The following KCNH1 variants were observed in gnomAD, a reference collection of about 807,000 sequenced individuals.
The protein encoded by KCNH1 is voltage-gated delayed rectifier potassium channel KCNH1.
A neutral mutation model predicts 69.2 loss-of-function variants in KCNH1; 27 were observed. The observed-to-expected ratio is 0.39, with a 90% CI of 0.29 to 0.54. The LOEUF is 0.54. KCNH1 is among the 20% of genes least tolerant of loss of function. KCNH1 has a pLI of 0.68. For synonymous variants in KCNH1, 456 were observed against 487.7 expected (o/e 0.93, Z 0.86); for missense variants, 798 against 1,261.6 (o/e 0.63, Z 5.57).
intron 6 of KCNH1, among the ~76,000 whole-genome samples, chr1:210,994,690 T>G (rs951420323): frequency 2.6e-5 from 4 of 152,138 alleles, no homozygotes; most frequent in Non-Finnish European, 5.9e-5. Flanking sequence ...CAGGGGTCAG[T>G]CTAAACTCAA....
chr1:210,728,365 A>T (rs532314172), intron 10 of KCNH1, among the ~76,000 whole-genome samples: 14 of 152,352 alleles, frequency 9.2e-5, no homozygotes, highest in African/African-American at 3.4e-4. Flanking sequence ...GAATAGTGAA[A>T]TGAATAAATA....
chr1:210,866,034 C>T (rs1215011383), intron 7 of KCNH1, among the ~76,000 whole-genome samples: 2 of 152,070 alleles, frequency 1.3e-5, no homozygotes, highest in Admixed American at 1.3e-4. Context: ...ACTTTTTCAA[C>T]AAATAGTGTT....
At chr1:210,870,818 T>C (rs1232496782) in intron 7 of KCNH1, among the ~76,000 whole-genome samples, 1 of 152,122 alleles carries the variant, frequency 6.6e-6, no homozygotes, top group Non-Finnish European at 1.5e-5. Context: ...TTAGCTCCAA[T>C]ACAATTCATA....
At chr1:210,800,657 CCTCTCTCTG>C (rs1259159119) in intron 8 of KCNH1, among the ~76,000 whole-genome samples, 14 of 152,128 alleles carry the variant, frequency 9.2e-5, no homozygotes, top group African/African-American at 3.4e-4. Context: ...GTCTGGAACT[CCTCTCTCTG>C]AGTGCAGTGG....
intron 7 of KCNH1, among the ~76,000 whole-genome samples, chr1:210,818,021 C>T (rs1684854199): frequency 6.6e-6 from 1 of 152,188 alleles, no homozygotes; most frequent in Admixed American, 6.5e-5. Context: ...TCTTAGAAGG[C>T]AAATTCGTCC....
intron 6 of KCNH1, among the ~76,000 whole-genome samples, chr1:210,970,063 A>ATTTTG (rs540752208): frequency 5.9e-5 from 9 of 151,398 alleles, no homozygotes; most frequent in African/African-American, 2.2e-4. Flanking sequence ...CACCAAACTA[A>ATTTTG]TTTTGTTTTG....
At chr1:210,862,553 T>G (rs1233468352) in intron 7 of KCNH1, among the ~76,000 whole-genome samples, 3 of 152,274 alleles carry the variant, frequency 2.0e-5, no homozygotes, top group Non-Finnish European at 4.4e-5. Flanking sequence ...AGGCTGGTCT[T>G]GAACTCCTGG....
At chr1:210,767,348 G>A (rs904816465) in intron 10 of KCNH1, among the ~76,000 whole-genome samples, 19 of 152,186 alleles carry the variant, frequency 1.2e-4, no homozygotes, top group African/African-American at 3.6e-4. Flanking sequence ...AGAAATTAGC[G>A]AGACCCTGCC....
chr1:210,727,168 G>A (rs1311952762), intron 10 of KCNH1, among the ~76,000 whole-genome samples: 2 of 152,206 alleles, frequency 1.3e-5, no homozygotes, highest in East Asian at 3.9e-4. Context: ...GCCACAGACA[G>A]AGATGTGTAT....
intron 6 of KCNH1, among the ~76,000 whole-genome samples, chr1:210,996,789 C>G (rs1304731599): frequency 1.2e-4 from 18 of 152,166 alleles, no homozygotes; most frequent in Admixed American, 1.2e-3. Flanking sequence ...GACAAAACTC[C>G]CAGAGGAACG....
At chr1:210,791,353 A>G (rs1157518252) in intron 9 of KCNH1, among the ~76,000 whole-genome samples, 1 of 152,186 alleles carries the variant, frequency 6.6e-6, no homozygotes, top group African/African-American at 2.4e-5. Context: ...GGCTAGGGCT[A>G]TAGATTCAGA....
At chr1:210,744,622 C>T (rs1176294871) in intron 10 of KCNH1, among the ~76,000 whole-genome samples, 1 of 151,988 alleles carries the variant, frequency 6.6e-6, no homozygotes, top group African/African-American at 2.4e-5. Context: ...CCAGCTTGGG[C>T]AATAGAGTGA....
intron 7 of KCNH1, among the ~76,000 whole-genome samples, chr1:210,885,169 A>G: frequency 6.6e-6 from 1 of 152,242 alleles, no homozygotes; most frequent in East Asian, 1.9e-4. Context: ...AGCAAGATCA[A>G]CGCAGAAGGC....
chr1:211,097,759 A>C (rs1471882298), intron 3 of KCNH1, among the ~76,000 whole-genome samples: 1 of 152,204 alleles, frequency 6.6e-6, no homozygotes, highest in African/African-American at 2.4e-5. Flanking sequence ...CCTTGCTAGC[A>C]CAGCAGAAAT....
chr1:211,083,879 A>G lies in KCNH1; in HGVS notation c.440-981T>C, dbSNP rs922964269. Reference sequence around the variant, plus strand: ...TTTCCAAGATAGACTTATAGAATCCAGAGGACAGTGGAGTTAAACAGAAAA... The same window carrying G: ...TTTCCAAGATAGACTTATAGAATCCGGAGGACAGTGGAGTTAAACAGAAAA... On this transcript the variant is annotated intron_variant, in intron 4 of 10. Coordinates refer to ENST00000271751, the MANE Select transcript of KCNH1 (RefSeq NM_172362.3). Among the ~76,000 whole-genome samples, 31 of 152,366 alleles carry G rather than the reference A, an allele frequency of 2.0e-4. No homozygotes were observed. The East Asian group carries it at 6.0e-3, about 29-fold the overall frequency.
chr1:210,888,200 C>T (rs1052062063), intron 7 of KCNH1, among the ~76,000 whole-genome samples: 6 of 152,134 alleles, frequency 3.9e-5, no homozygotes, highest in African/African-American at 1.4e-4. Flanking sequence ...GATATCATAA[C>T]AAACAGTCTG....
chr1:210,808,724 G>T lies in KCNH1; in HGVS notation c.1463-4558C>A, dbSNP rs553296442. ...AATTTTATATGAAGGGGGATTACAT[G>T]TTTTTCATGCACGTAACGTTTAATT... is the stretch of plus-strand genomic sequence containing the variant. On this transcript the variant is annotated intron_variant, in intron 7 of 10. Transcript: ENST00000271751. Among the ~76,000 whole-genome samples the T allele has an allele frequency of 5.3e-5, 8 of 152,108 alleles. No homozygotes were observed. In the South Asian group the frequency reaches 1.7e-3, roughly 32 times the overall value.
At chr1:211,118,505 A>G (rs1220144128) in intron 1 of KCNH1, among the ~76,000 whole-genome samples, 1 of 152,158 alleles carries the variant, frequency 6.6e-6, no homozygotes, top group Non-Finnish European at 1.5e-5. Flanking sequence ...TTACCCCCTA[A>G]GGGTCTATAG....
At chr1:210,799,375 C>G (rs1045922254) in intron 8 of KCNH1, among the ~76,000 whole-genome samples, 2 of 152,154 alleles carry the variant, frequency 1.3e-5, no homozygotes, top group African/African-American at 4.8e-5. Context: ...CTATACTAGG[C>G]AGCTGCCCCA....
Sources: gnomAD v4.1 joint callset for allele counts (sites outside exome capture counted in the v4.1 genomes callset) on GRCh38, gnomAD v4.1.1 for gene constraint, MANE v1.5 for transcripts, NCBI Gene and HGNC (gene_info 2026-07-23, HGNC 2026-07-21) for gene names.